EXD3: variants seen among roughly 807,000 people sequenced by gnomAD.
EXD3 encodes exonuclease 3'-5' domain containing 3.
A neutral mutation model predicts 98.0 loss-of-function variants in EXD3; 92 were observed. The observed-to-expected ratio is 0.94, with a 90% CI of 0.79 to 1.12. EXD3 has a LOEUF of 1.12. Ranked by LOEUF, EXD3 falls within the 50% of genes most tolerant of loss-of-function variation. The pLI, the probability that EXD3 is intolerant of heterozygous loss-of-function variation, is 0.00. For missense variants in EXD3, 1,222 were observed against 1,191.6 expected, an observed-to-expected ratio of 1.03 and a Z score of -0.38; for synonymous variants, 569 against 526.0, an observed-to-expected ratio of 1.08 and a Z score of -1.12.
At chr9:137,354,246 T>A in intron 10 of EXD3, 93 bp downstream of exon 10, 1 of 1,542,522 alleles carries the variant, frequency 6.5e-7, no homozygotes, top group East Asian at 2.4e-5. Flanking sequence ...AGGCCTCAGC[T>A]CTGCGCACTT....
intron 1 of EXD3, among the ~76,000 whole-genome samples, chr9:137,401,036 G>T (rs767500311): frequency 1.8e-4 from 27 of 152,134 alleles, no homozygotes; most frequent in Admixed American, 1.3e-4. Context: ...CAGGCACATG[G>T]TGCAGGCTGT....
rs761568310 is a variant in EXD3 at position 137,307,198 on chromosome 9, C to G, written c.2383G>C (p.Ala795Pro). The G allele has an allele frequency of 5.2e-5, 83 of 1,583,602 alleles. No individual in the cohort carries two copies. The highest frequency in any genetic ancestry group is 6.9e-5 in the Non-Finnish European group (80 of 1,166,208). ...YDRPCRWLQM[A>P]DLRAETPDML... is the part of the protein sequence containing the mutation. ...TCCGGTGTCTCCGCCCGCAGGTCAG[C>G]CATCTGCAGCCAGCGGCAGGGGCGG... Residue 795 changes from alanine (A) to proline (P), a missense_variant, in exon 22 of 22, where the codon GCT becomes CCT. By Grantham distance (27) the Ala-to-Pro change is conservative. Coordinates refer to ENST00000340951, the MANE Select transcript of EXD3 (RefSeq NM_017820.5).
intron 19 of EXD3, among the ~76,000 whole-genome samples, chr9:137,310,524 C>T (rs1338146514): frequency 6.6e-6 from 1 of 152,214 alleles, no homozygotes; most frequent in African/African-American, 2.4e-5. Context: ...CCACGCCCAG[C>T]CCCTCTGGGT....
chr9:137,325,613 AG>A (rs1832357056), intron 17 of EXD3, among the ~76,000 whole-genome samples: 1 of 152,058 alleles, frequency 6.6e-6, no homozygotes, highest in African/African-American at 2.4e-5. Flanking sequence ...TTGTATTTTT[AG>A]TAGAGACGGG....
intron 1 of EXD3, among the ~76,000 whole-genome samples, chr9:137,398,835 T>TGCACCCGCATCCCCAAGACACACAG (rs1430807447): frequency 2.7e-5 from 2 of 74,238 alleles, no homozygotes; most frequent in Non-Finnish European, 5.2e-5. Flanking sequence ...GTGACACACG[T>TGCACCCGCATCCCCAAGACACACAG]GCACCCGCAT....
chr9:137,398,778 ACACACAGGCACCCGCGTCCCCGT>A (rs1162414703), intron 1 of EXD3, among the ~76,000 whole-genome samples: 26 of 141,122 alleles, frequency 1.8e-4, no homozygotes, highest in Non-Finnish European at 3.0e-4. Flanking sequence ...CGTCCCCGTG[ACACACAGGCACCCGCGTCCCCGT>A]GACACACAGG....
intron 21 of EXD3, 35 bp from the exon 22 acceptor site, chr9:137,307,298 G>A (rs1478892429): frequency 6.9e-7 from 1 of 1,454,192 alleles, no homozygotes; most frequent in Admixed American, 2.7e-5. Context: ...TGAGCCCTCA[G>A]CCTTCGGGCA....
intron 1 of EXD3, among the ~76,000 whole-genome samples, chr9:137,410,484 CAAAAA>C (rs34834761): frequency 1.4e-5 from 1 of 72,352 alleles, no homozygotes. Context: ...AACTCTGTCT[CAAAAA>C]AAAAAAAAAA....
intron 2 of EXD3, chr9:137,392,866 G>A (rs532669023): frequency 1.2e-5 from 6 of 496,386 alleles, no homozygotes; most frequent in South Asian, 1.2e-4. Context: ...CACCGAGGCT[G>A]TTCCAGGGAG....
chr9:137,318,427 T>C (rs1831830097), intron 19 of EXD3, among the ~76,000 whole-genome samples: 1 of 152,030 alleles, frequency 6.6e-6, no homozygotes, highest in Admixed American at 6.5e-5. Flanking sequence ...CTGACGCCAC[T>C]GTTTCAGGAC....
intron 20 of EXD3, 110 bp from the exon 21 acceptor site, chr9:137,307,756 G>T: frequency 8.1e-7 from 1 of 1,239,428 alleles, no homozygotes; most frequent in Non-Finnish European, 1.1e-6. Flanking sequence ...CTCATGGGGT[G>T]CAGCCTCTTC....
At chr9:137,355,605 AAG>A (rs1564508765) in intron 8 of EXD3, among the ~76,000 whole-genome samples, 4 of 51,994 alleles carry the variant, frequency 7.7e-5, no homozygotes, top group South Asian at 7.6e-4. Flanking sequence ...CGGAAGGAGA[AAG>A]GAGGAAGGAG....
At chr9:137,412,507 G>A (rs1292595831) in intron 1 of EXD3, among the ~76,000 whole-genome samples, 1 of 152,210 alleles carries the variant, frequency 6.6e-6, no homozygotes, top group African/African-American at 2.4e-5. Context: ...TCCAGGAGAA[G>A]CAAACAGCCC....
intron 2 of EXD3, among the ~76,000 whole-genome samples, chr9:137,389,094 G>A (rs772796775): frequency 3.5e-4 from 53 of 152,274 alleles, no homozygotes; most frequent in African/African-American, 6.7e-4. Flanking sequence ...GCCTTCTGGC[G>A]TCCGGGGGCA....
intron 17 of EXD3, among the ~76,000 whole-genome samples, chr9:137,327,042 T>C (rs1832445143): frequency 6.6e-6 from 1 of 151,576 alleles, no homozygotes; most frequent in Non-Finnish European, 1.5e-5. Context: ...GTCTACGAGG[T>C]ACCTAGGACA....
chr9:137,334,918 A>T (rs1366797558), intron 17 of EXD3, among the ~76,000 whole-genome samples: 1 of 151,964 alleles, frequency 6.6e-6, no homozygotes. Context: ...TCTACTAAAA[A>T]TACAAAAAAT....
chr9:137,406,267 AG>A (rs1229524727), intron 1 of EXD3, among the ~76,000 whole-genome samples: 1 of 151,690 alleles, frequency 6.6e-6, no homozygotes, highest in African/African-American at 2.4e-5. Flanking sequence ...AGGAAAAGAA[AG>A]AAAATAAAAG....
At chr9:137,328,658 GGGACTACACGGGA>G (rs1832666311) in intron 17 of EXD3, among the ~76,000 whole-genome samples, 1 of 74,512 alleles carries the variant, frequency 1.3e-5, no homozygotes, top group African/African-American at 7.3e-5. Flanking sequence ...GGGACTACAC[GGGACTACACGGGA>G]CTACACGGGG....
At chr9:137,322,613 T>C (rs1249695050) in intron 19 of EXD3, among the ~76,000 whole-genome samples, 4 of 57,842 alleles carry the variant, frequency 6.9e-5, no homozygotes, top group African/African-American at 7.3e-5. Context: ...TGCCGACACC[T>C]CACCCCGGAC....
Sources: allele counts gnomAD v4.1 joint callset (sites outside exome capture counted in the v4.1 genomes callset), GRCh38; gene constraint gnomAD v4.1.1; transcripts MANE v1.5; gene names NCBI Gene and HGNC (gene_info 2026-07-23, HGNC 2026-07-21).